The following EDRF1 variants were observed in gnomAD, a reference collection of about 807,000 sequenced individuals.
EDRF1 encodes erythroid differentiation-related factor 1.
EDRF1 carries 69 observed loss-of-function variants against 148.7 expected under a neutral mutation model. That is an observed-to-expected ratio of 0.46 (90% confidence interval 0.38 to 0.57). The LOEUF is 0.57. Among genes scored for constraint, EDRF1 ranks in the 20% least tolerant of loss-of-function variants. The probability of loss-of-function intolerance (pLI) is 0.00; values close to 1 mark genes in which losing one functional copy is unlikely to be tolerated. For synonymous variants in EDRF1, 515 were observed against 532.8 expected (o/e 0.97, Z 0.46); for missense variants, 1,118 against 1,478.7 (o/e 0.76, Z 4.00).
At chr10:125,731,776 G>T in intron 9 of EDRF1, 1 of 370,922 alleles carries the variant, frequency 2.7e-6, no homozygotes, top group South Asian at 1.9e-5. Flanking sequence ...ATCAACAATG[G>T]TAAGAATAGA....
At chr10:125,725,962 G>GA in intron 6 of EDRF1, 124 bp downstream of exon 6, 1 of 1,070,622 alleles carries the variant, frequency 9.3e-7, no homozygotes, top group Non-Finnish European at 1.3e-6. Flanking sequence ...TGGAATGGGG[G>GA]AAAAAAGACT....
intron 8 of EDRF1, 89 bp from the exon 9 acceptor site, chr10:125,730,199 A>T: frequency 9.6e-7 from 1 of 1,038,000 alleles, no homozygotes; most frequent in Non-Finnish European, 1.5e-6. Context: ...AGGACAGCTT[A>T]AGATACTTAA....
At chr10:125,724,924 T>A (rs1848180202) in intron 4 of EDRF1, among the ~76,000 whole-genome samples, 1 of 152,196 alleles carries the variant, frequency 6.6e-6, no homozygotes, top group African/African-American at 2.4e-5. Context: ...ACCGTTTAGT[T>A]CATCATGTGA....
rs1469546424 is a variant in EDRF1 at position 125,733,948 on chromosome 10, T to A, written c.1386-124T>A. ...CGTTTTGGGGGTTGTGGGTAAAGTG[T>A]AAAGTTTAGTATTTTGTTGTTTCTT... is the stretch of plus-strand genomic sequence containing the variant. On this transcript the variant is annotated intron_variant, in intron 11 of 24. Coordinates refer to ENST00000356792, the MANE Select transcript of EDRF1 (RefSeq NM_001202438.2). 1.4e-5 allele frequency: 13 copies of A among 933,018 alleles called. No homozygotes were observed. The Middle Eastern group carries it at 1.6e-3, about 118-fold the overall frequency. 57.8% of individuals were successfully genotyped at this position (933,018 alleles called of 1,614,324 possible). A position where few individuals can be genotyped will look rare whatever the true frequency, so the allele number is the denominator to read the frequency against.
At chr10:125,747,228 GA>G (rs534999385) in intron 19 of EDRF1, 1,312 of 257,126 alleles carry the variant, frequency 5.1e-3, no homozygotes, top group Middle Eastern at 0.012. Flanking sequence ...CATTTAGAAA[GA>G]AAAAAAAAAA....
intron 8 of EDRF1, 121 bp downstream of exon 8, chr10:125,729,600 C>T (rs1848408713): frequency 1.2e-5 from 15 of 1,262,744 alleles, no homozygotes; most frequent in Admixed American, 5.1e-5. Context: ...CCAGCCTAGG[C>T]GAAAGAGCAA....
At chr10:125,746,060 A>C in intron 19 of EDRF1, 130 bp downstream of exon 19, 2 of 818,678 alleles carry the variant, frequency 2.4e-6, no homozygotes. Flanking sequence ...CACCAGACAG[A>C]TCGTGAAAAC....
rs772912747 is a variant in EDRF1, at chr10:125,719,736, C to A, written c.-72C>A. Reference sequence around the variant, plus strand: ...TCCGCGGAGCGTCTCTGGCGCTTACCCTGCTTTGGGCCTGCGTTGCTGCTG... The same window carrying A: ...TCCGCGGAGCGTCTCTGGCGCTTACACTGCTTTGGGCCTGCGTTGCTGCTG... On this transcript the variant is annotated 5_prime_UTR_variant, in exon 1 of 25. Coordinates refer to ENST00000356792, the MANE Select transcript of EDRF1 (RefSeq NM_001202438.2). 5 of 1,259,610 alleles carry A rather than the reference C, an allele frequency of 4.0e-6. No homozygotes were observed. Among genetic ancestry groups the A allele is most frequent in the African/African-American group, 1.5e-5 (1 of 66,830 alleles). 78.0% of individuals were successfully genotyped at this position (1,259,610 alleles called of 1,614,324 possible).
chr10:125,742,356 A>G, intron 17 of EDRF1: 3 of 1,243,624 alleles, frequency 2.4e-6, no homozygotes, highest in Non-Finnish European at 3.1e-6. Flanking sequence ...GTGCTTCTGT[A>G]ATGTCTCATG....
chr10:125,742,477 A>G (rs1849078930), intron 17 of EDRF1: 1 of 1,028,160 alleles, frequency 9.7e-7, no homozygotes. Flanking sequence ...AGAGGGAAAA[A>G]TGTGTTATTT....
chr10:125,733,787 T>G, intron 11 of EDRF1, 44 bp downstream of exon 11: 5 of 1,523,026 alleles, frequency 3.3e-6, no homozygotes, highest in Non-Finnish European at 4.6e-6. Flanking sequence ...GCCTATTATA[T>G]AAAGTTTTAA....
At position 125,723,946 on chromosome 10, in the gene EDRF1, T is replaced by A; in HGVS notation, c.510+10T>A. 6.2e-7 allele frequency: 1 copy of A among 1,612,954 alleles called. No homozygotes were observed. The highest frequency in any genetic ancestry group is 1.3e-5 in the African/African-American group (1 of 75,028). On this transcript the variant is annotated intron_variant, in intron 4 of 24. Coordinates refer to ENST00000356792, the MANE Select transcript of EDRF1 (RefSeq NM_001202438.2). The stretch of plus-strand genomic sequence containing the variant: ...TATGAGATCGTCTCAGGTAATGCTT[T>A]TGTGAAAAAATCCAACAAAACATTA...
Position 125,721,397 on chromosome 10 carries a change from G to A in EDRF1, c.302G>A (p.Ser101Asn). 2 of 1,614,132 alleles carry A rather than the reference G, an allele frequency of 1.2e-6. No homozygotes were observed. Among genetic ancestry groups the A allele is most frequent in the Non-Finnish European group, 1.7e-6 (2 of 1,180,020 alleles). ...GTTILGNSKK[S>N]KPFSSFGMAY... ...ACCATTCTTGGCAACAGCAAGAAAA[G>A]CAAGCCATTTTCAAGGTAAATATTA... is the stretch of plus-strand genomic sequence containing the variant. The change falls in exon 2 of 25, where the codon AGC becomes AAC. Residue 101 changes from serine (S) to asparagine (N), a missense_variant. This residue lies in a region of EDRF1 where 99 missense variants were observed against 186.9 expected (regional missense o/e 0.53). Coordinates refer to ENST00000356792, the MANE Select transcript of EDRF1 (RefSeq NM_001202438.2).
Position 125,725,881 on chromosome 10 carries a change from CAA to C in EDRF1, c.792+45_792+46del, listed in dbSNP as rs757628076. On this transcript the variant is annotated intron_variant, in intron 6 of 24. Transcript: ENST00000356792. Reference sequence around the variant, plus strand: ...AATTCTAGAAACTCACATAGGAAAACAAAGCCTTTTTTAACATCTCGTTAAAA... The same window carrying C: ...AATTCTAGAAACTCACATAGGAAAACAGCCTTTTTTAACATCTCGTTAAAA... 10 of 1,572,284 alleles carry C rather than the reference CAA, an allele frequency of 6.4e-6. No individual in the cohort carries two copies. The African/African-American group carries it at 1.2e-4, about 19-fold the overall frequency.
At chr10:125,743,996 A>G (rs1373429297) in intron 18 of EDRF1, among the ~76,000 whole-genome samples, 1 of 152,200 alleles carries the variant, frequency 6.6e-6, no homozygotes. Flanking sequence ...TGGAACATGT[A>G]TGTGAAAGGT....
intron 15 of EDRF1, 134 bp downstream of exon 15, chr10:125,738,579 G>A (rs1848852896): frequency 1.9e-6 from 2 of 1,039,624 alleles, no homozygotes; most frequent in Non-Finnish European, 2.9e-6. Context: ...CTGGAATTAG[G>A]GGTAGTATTC....
intron 4 of EDRF1, among the ~76,000 whole-genome samples, chr10:125,724,703 A>G (rs1848169387): frequency 6.6e-6 from 1 of 152,162 alleles, no homozygotes. Context: ...TGTTTTTCCC[A>G]CATGTTGAGA....
intron 18 of EDRF1, among the ~76,000 whole-genome samples, chr10:125,745,061 A>G (rs751711673): frequency 3.9e-5 from 6 of 152,204 alleles, no homozygotes; most frequent in Non-Finnish European, 8.8e-5. Flanking sequence ...GACAGCTACT[A>G]AGTGACTAAT....
In EDRF1 at chr10:125,729,426, C is replaced by T; in HGVS notation, c.963C>T (p.Ser321=). The change falls in exon 8 of 25, where the codon TCC becomes TCT. Residue 321 remains serine, a synonymous_variant. Transcript: ENST00000356792. ...AAGATATCCATATGTTGGTCGGCTC[C>T]AACATGCCCATATTTGGAGGAGGCA... is the stretch of plus-strand genomic sequence containing the variant. ...TFEDIHMLVG[S]NMPIFGGGRY... The T allele has an allele frequency of 6.2e-7, 1 of 1,614,114 alleles. No homozygotes were observed. Among genetic ancestry groups the T allele is most frequent in the African/African-American group, 1.3e-5 (1 of 75,024 alleles).
Sources: gnomAD v4.1 joint callset for allele counts (sites outside exome capture counted in the v4.1 genomes callset) on GRCh38, gnomAD v4.1.1 for gene constraint, gnomAD v4.1.1 regional missense constraint, MANE v1.5 for transcripts, NCBI Gene and HGNC (gene_info 2026-07-23, HGNC 2026-07-21) for gene names.